The following KCNJ14 variants were observed in gnomAD, a reference collection of about 807,000 sequenced individuals.
KCNJ14 encodes potassium inwardly rectifying channel subfamily J member 14.
Under a neutral mutation model 24.5 loss-of-function variants are expected in KCNJ14, and 18 were observed. The observed-to-expected ratio is 0.74, with a 90% confidence interval of 0.51 to 1.09. The LOEUF (loss-of-function observed/expected upper bound fraction) is 1.09. Ranked by LOEUF, KCNJ14 falls within the 50% of genes least tolerant of loss-of-function variation. The pLI is 0.00. For missense variants in KCNJ14, 633 were observed against 623.0 expected, an observed-to-expected ratio of 1.02 and a Z score of -0.17; for synonymous variants, 288 against 270.8, an observed-to-expected ratio of 1.06 and a Z score of -0.63.
rs1480247845 is a variant in KCNJ14, at chr19:48,462,280, G to A, written c.556G>A (p.Ala186Thr). The A allele has an allele frequency of 1.9e-6, 3 of 1,548,012 alleles. No homozygotes were observed. The highest frequency in any genetic ancestry group is 2.4e-5 in the South Asian group (2 of 84,214). ...LDAFVVGAVMAKMAKPKKRNE... is the reference protein window; with the variant it reads ...LDAFVVGAVMTKMAKPKKRNE... Reference sequence around the variant, plus strand: ...CGCCTTCGTCGTGGGTGCTGTCATGGCCAAGATGGCCAAACCCAAGAAGCG... The same window carrying A: ...CGCCTTCGTCGTGGGTGCTGTCATGACCAAGATGGCCAAACCCAAGAAGCG... Residue 186 changes from alanine (A) to threonine (T), a missense_variant, in exon 2 of 3, where the codon GCC becomes ACC. Coordinates refer to ENST00000342291, the MANE Select transcript of KCNJ14 (RefSeq NM_013348.4). The surrounding 1 kb of genome is among the most constrained non-coding windows in gnomAD (Gnocchi z 4.9).
chr19:48,459,147 G>A (rs944929447), intron 1 of KCNJ14, among the ~76,000 whole-genome samples: 3 of 141,496 alleles, frequency 2.1e-5, no homozygotes, highest in Non-Finnish European at 4.6e-5. Context: ...GGCTGAGGCA[G>A]GAGAATGGCG....
Position 48,461,734 on chromosome 19 carries a change from G to T in KCNJ14, c.10G>T (p.Ala4Ser). Residue 4 changes from alanine to serine, a missense_variant, in exon 2 of 3, where the codon GCC (alanine) becomes TCC (serine). Ala to Ser is a moderately conservative substitution (Grantham distance 99). Coordinates refer to ENST00000342291, the MANE Select transcript of KCNJ14 (RefSeq NM_013348.4). The part of the protein sequence containing the change: MGL[A>S]RALRRLSGAL... ...GGGGTCCCTCCGTCCAATGGGCCTG[G>T]CCAGGGCCCTACGCCGCCTCAGCGG... 7.0e-7 allele frequency: 1 copy of T among 1,428,404 alleles called. No individual in the cohort carries two copies. Among genetic ancestry groups the T allele is most frequent in the East Asian group, 2.6e-5 (1 of 37,954 alleles). The allele number at this position is 1,428,404 out of a possible 1,614,324, so 88.5% of individuals were successfully genotyped here.
In KCNJ14 at chr19:48,464,798, C is replaced by G. The variant is rs750132842; in HGVS notation, c.*21C>G. ...CATGATGCAAACTGATGTCCCCTTC[C>G]CCGTGTATGCCCCCTTCCCCAAGGT... is the stretch of plus-strand genomic sequence containing the variant. On this transcript the variant is annotated 3_prime_UTR_variant, in exon 3 of 3. Coordinates refer to ENST00000342291, the MANE Select transcript of KCNJ14 (RefSeq NM_013348.4). The G allele has an allele frequency of 6.5e-7, 1 of 1,528,234 alleles. No individual in the cohort carries two copies. Among genetic ancestry groups the G allele is most frequent in the East Asian group, 2.3e-5 (1 of 44,330 alleles). 94.7% of individuals were successfully genotyped at this position (1,528,234 alleles called of 1,614,324 possible). A position where few individuals can be genotyped will look rare whatever the true frequency, so the allele number is the denominator to read the frequency against.
chr19:48,462,547 TC>T lies in KCNJ14; in HGVS notation c.714+112del. ...TCCTGGAGGGGGCGTGGACTACAAC[TC>T]CCAGCAGCCTCTTGGGCCTGGGGCC... is the stretch of plus-strand genomic sequence containing the variant. On this transcript the variant is annotated intron_variant, in intron 2 of 2. Coordinates refer to ENST00000342291, the MANE Select transcript of KCNJ14 (RefSeq NM_013348.4). The surrounding 1 kb of genome is among the most constrained non-coding windows in gnomAD (Gnocchi z 4.9). 1.2e-6 allele frequency: 1 copy of T among 804,190 alleles called. No homozygotes were observed. The highest frequency in any genetic ancestry group is 1.9e-5 in the South Asian group (1 of 52,134). The allele number at this position is 804,190 out of a possible 1,614,324, so 49.8% of individuals were successfully genotyped here.
rs1449576638 is a variant in KCNJ14 at position 48,461,746 on chromosome 19, C to T, written c.22C>T (p.Arg8Cys). The T allele has an allele frequency of 1.4e-6, 2 of 1,438,534 alleles. No individual in the cohort carries two copies. Among genetic ancestry groups the T allele is most frequent in the Admixed American group, 3.0e-5 (1 of 33,540 alleles). The allele number at this position is 1,438,534 out of a possible 1,614,324, so 89.1% of individuals were successfully genotyped here. A position where few individuals can be genotyped will look rare whatever the true frequency, so the allele number is the denominator to read the frequency against. Residue 8 changes from arginine to cysteine, a missense_variant, in exon 2 of 3, where the codon CGC becomes TGC. Arg to Cys is a radical substitution (Grantham distance 180, BLOSUM62 -3). Coordinates refer to ENST00000342291, the MANE Select transcript of KCNJ14 (RefSeq NM_013348.4). ...TCCAATGGGCCTGGCCAGGGCCCTA[C>T]GCCGCCTCAGCGGCGCCCTGGATTC... MGLARAL[R>C]RLSGALDSGD...
At chr19:48,459,240 C>CA (rs748195965) in intron 1 of KCNJ14, among the ~76,000 whole-genome samples, 2,591 of 58,104 alleles carry the variant, frequency 0.045, 26 homozygotes, top group East Asian at 0.14. Context: ...ACTCCGTCTC[C>CA]AAAAAAAAAA....
chr19:48,463,578 C>T (rs527758457), intron 2 of KCNJ14, among the ~76,000 whole-genome samples: 13 of 152,268 alleles, frequency 8.5e-5, no homozygotes, highest in Admixed American at 2.6e-4. Flanking sequence ...GCCCTGACAG[C>T]TAGGATAGCT....
Position 48,462,201 on chromosome 19 carries a change from C to T in KCNJ14, c.477C>T (p.Cys159=). Residue 159 remains cysteine, a synonymous_variant, in exon 2 of 3, where the codon TGC becomes TGT. Transcript: ENST00000342291. This position sits in a 1 kb window ranked among gnomAD's most constrained non-coding sequence, Gnocchi z 4.9. ...GYGVRSVTEE[C]PAAVAAVVLQ... is the part of the protein sequence containing the mutation. ...GCGTGCGCAGCGTCACCGAGGAGTG[C>T]CCGGCCGCTGTGGCCGCCGTGGTGC... 3.2e-6 allele frequency: 5 copies of T among 1,556,404 alleles called. No individual in the cohort carries two copies. The highest frequency in any genetic ancestry group is 4.3e-6 in the Non-Finnish European group (5 of 1,150,652).
At position 48,462,023 on chromosome 19, in the gene KCNJ14, C is replaced by G; in HGVS notation, c.299C>G (p.Ser100Cys). The change falls in exon 2 of 3, where the codon TCC becomes TGC. Residue 100 changes from serine (S) to cysteine (C), a missense_variant. Coordinates refer to ENST00000342291, the MANE Select transcript of KCNJ14 (RefSeq NM_013348.4). The surrounding 1 kb of genome is among the most constrained non-coding windows in gnomAD (Gnocchi z 4.9). ...CLLFSCSFLA[S>C]WLLFGLAFWL... ...CTCTTCTCCTGCTCCTTCCTCGCCTCCTGGCTGCTCTTCGGCCTGGCCTTC... is the reference window on the plus strand; with the variant it reads ...CTCTTCTCCTGCTCCTTCCTCGCCTGCTGGCTGCTCTTCGGCCTGGCCTTC... 6.2e-7 allele frequency: 1 copy of G among 1,612,550 alleles called. No homozygotes were observed. Among genetic ancestry groups the G allele is most frequent in the Non-Finnish European group, 8.5e-7 (1 of 1,179,710 alleles).
At chr19:48,457,803 G>A (rs922045605) in intron 1 of KCNJ14, among the ~76,000 whole-genome samples, 11 of 151,940 alleles carry the variant, frequency 7.2e-5, no homozygotes, top group Admixed American at 1.3e-4. Context: ...TCAGCCTCCC[G>A]AGTAGCTGGG....
rs776868235 is a variant in KCNJ14 at position 48,464,492 on chromosome 19, T to G, written c.1026T>G (p.Tyr342Ter). 2 of 1,614,136 alleles carry G rather than the reference T, an allele frequency of 1.2e-6. No individual in the cohort carries two copies. The highest frequency in any genetic ancestry group is 1.7e-6 in the Non-Finnish European group (2 of 1,180,034). Residue 342 changes from tyrosine to a stop codon, truncating the protein, a stop_gained, in exon 3 of 3, where the codon TAT becomes TAG. Transcript: ENST00000342291. LOFTEE classifies it high-confidence loss of function. ...TTCTCTTCCAGCGTGGCTCCCAGTA[T>G]GAGGTCGACTATCGCCACTTCCATC... ...EPVLFQRGSQ[Y>*]EVDYRHFHRT...
chr19:48,464,923 A>G lies in KCNJ14; in HGVS notation c.*146A>G. The G allele has an allele frequency of 1.5e-6, 1 of 660,944 alleles. No homozygotes were observed. The highest frequency in any genetic ancestry group is 2.6e-6 in the Non-Finnish European group (1 of 380,032). The allele number at this position is 660,944 out of a possible 1,614,324, so 40.9% of individuals were successfully genotyped here. On this transcript the variant is annotated 3_prime_UTR_variant, in exon 3 of 3. Transcript: ENST00000342291. ...AATGACTAGGTGGTAAGGTTCTGCC[A>G]TGCCTGGTGACCCACCATGGACATA...
At chr19:48,464,110 CCT>C (rs1435038493) in intron 2 of KCNJ14, 69 bp from the exon 3 acceptor site, 1 of 1,041,232 alleles carries the variant, frequency 9.6e-7, no homozygotes, top group Non-Finnish European at 1.5e-6. Flanking sequence ...TGCATCTCTT[CCT>C]CTCTCTCACT....
Position 48,462,534 on chromosome 19 carries a change from C to A in KCNJ14, c.714+96C>A. 1.1e-6 allele frequency: 1 copy of A among 930,720 alleles called. No homozygotes were observed. Among genetic ancestry groups the A allele is most frequent in the Non-Finnish European group, 1.5e-6 (1 of 645,452 alleles). The allele number at this position is 930,720 out of a possible 1,614,324, so 57.7% of individuals were successfully genotyped here. The stretch of plus-strand genomic sequence containing the variant: ...GAGGGGCGTGCGGTCCTGGAGGGGG[C>A]GTGGACTACAACTCCCAGCAGCCTC... On this transcript the variant is annotated intron_variant, in intron 2 of 2. Coordinates refer to ENST00000342291, the MANE Select transcript of KCNJ14 (RefSeq NM_013348.4). The surrounding 1 kb of genome is among the most constrained non-coding windows in gnomAD (Gnocchi z 4.9).
Position 48,462,522 on chromosome 19 carries a change from T to C in KCNJ14, c.714+84T>C. ...AGGCCCGAGGGCGAGGGGCGTGCGG[T>C]CCTGGAGGGGGCGTGGACTACAACT... On this transcript the variant is annotated intron_variant, in intron 2 of 2. Transcript: ENST00000342291. This position sits in a 1 kb window ranked among gnomAD's most constrained non-coding sequence, Gnocchi z 4.9. The C allele has an allele frequency of 9.3e-7, 1 of 1,071,744 alleles. No individual in the cohort carries two copies. Among genetic ancestry groups the C allele is most frequent in the East Asian group, 2.7e-5 (1 of 37,074 alleles). The allele number at this position is 1,071,744 out of a possible 1,614,324, so 66.4% of individuals were successfully genotyped here. A position where few individuals can be genotyped will look rare whatever the true frequency, so the allele number is the denominator to read the frequency against.
At chr19:48,461,125 C>G (rs1971589057) in intron 1 of KCNJ14, 1 of 152,120 alleles carries the variant, frequency 6.6e-6, no homozygotes, top group Non-Finnish European at 1.5e-5. Flanking sequence ...TCGAGACCAT[C>G]TTGGCCAACA....
chr19:48,460,402 C>T (rs1277853922), intron 1 of KCNJ14, among the ~76,000 whole-genome samples: 1 of 152,154 alleles, frequency 6.6e-6, no homozygotes, highest in African/African-American at 2.4e-5. Context: ...TGCCACCATG[C>T]CCGGCTAATT....
rs942915725 is a variant in KCNJ14, at chr19:48,461,948, G to C, written c.224G>C (p.Ser75Thr). The C allele has an allele frequency of 1.2e-6, 2 of 1,612,866 alleles. No individual in the cohort carries two copies. Among genetic ancestry groups the C allele is most frequent in the South Asian group, 1.1e-5 (1 of 90,964 alleles). ...GGTGGCCAGGGCGCGCGCTACCTGA[G>C]CGACCTGTTCACCACATGCGTGGAC... The part of the protein sequence containing the change: ...NLGGQGARYL[S>T]DLFTTCVDVR... Residue 75 changes from serine to threonine, a missense_variant, in exon 2 of 3, where the codon AGC (serine) becomes ACC (threonine). Transcript: ENST00000342291.
chr19:48,458,433 A>C (rs1207308753), intron 1 of KCNJ14, among the ~76,000 whole-genome samples: 1 of 152,170 alleles, frequency 6.6e-6, no homozygotes, highest in Non-Finnish European at 1.5e-5. Context: ...ATGGCTAATG[A>C]TGTTGAGCAT....
Sources: allele counts gnomAD v4.1 joint callset (sites outside exome capture counted in the v4.1 genomes callset), GRCh38; gene constraint gnomAD v4.1.1; non-coding constraint Gnocchi (gnomAD v3.1); transcripts MANE v1.5; gene names NCBI Gene and HGNC (gene_info 2026-07-23, HGNC 2026-07-21).